Variants in MAF observed in about 807,000 individuals in gnomAD.
MAF encodes transcription factor Maf.
MAF carries 10 observed loss-of-function variants against 22.0 expected under a neutral mutation model. The ratio of observed to expected loss-of-function variants is 0.45; its 90% CI spans 0.28 to 0.77. The LOEUF is 0.77. Among genes scored for constraint, MAF ranks in the 30% least tolerant of loss-of-function variants. The pLI, the probability that MAF is intolerant of heterozygous loss-of-function variation, is 0.12. For missense variants in MAF, 544 were observed against 548.4 expected (o/e 0.99, Z 0.08); for synonymous variants, 337 against 255.8 (o/e 1.32, Z -3.03).
downstream of MAF, among the ~76,000 whole-genome samples, chr16:79,590,315 G>C (rs981725393): frequency 9.8e-5 from 15 of 152,286 alleles, no homozygotes; most frequent in Admixed American, 7.2e-4. Flanking sequence ...CAGGCTTCAA[G>C]ACCATTGCAC....
In MAF at chr16:79,600,130, A is replaced by C. The variant is rs1442217756; in HGVS notation, c.-228T>G. 1.0e-5 allele frequency: 5 copies of C among 492,946 alleles called. No homozygotes were observed. The highest frequency in any genetic ancestry group is 2.7e-5 in the South Asian group (1 of 37,408). 30.5% of individuals were successfully genotyped at this position (492,946 alleles called of 1,614,324 possible). On this transcript the variant is annotated 5_prime_UTR_variant, in exon 1 of 2. Coordinates refer to ENST00000326043, the MANE Select transcript of MAF (RefSeq NM_005360.5). ...CCCTCCCTCCCCCCTGCTCACGCCA[A>C]TGTGCTCCCTCGCTCGCCCCGGCCC...
At chr16:79,284,435 G>A in the MAF span, among the ~76,000 whole-genome samples, 1 of 152,046 alleles carries the variant, frequency 6.6e-6, no homozygotes, top group African/African-American at 2.4e-5. Context: ...CTATATGCTG[G>A]GCCTAAAGTA....
At chr16:79,342,562 T>TACCATC in the MAF span, among the ~76,000 whole-genome samples, 1 of 151,950 alleles carries the variant, frequency 6.6e-6, no homozygotes. Context: ...CCATCTCCAT[T>TACCATC]ACCATCACCA....
chr16:79,559,157 C>G, the MAF span, among the ~76,000 whole-genome samples: 1 of 152,148 alleles, frequency 6.6e-6, no homozygotes, highest in Admixed American at 6.5e-5. Context: ...GCGGGCTTAG[C>G]TAGTAACCGG....
At chr16:79,254,067 C>G in the MAF span, among the ~76,000 whole-genome samples, 1 of 149,408 alleles carries the variant, frequency 6.7e-6, no homozygotes, top group Admixed American at 6.7e-5. Flanking sequence ...TGTTATTTTT[C>G]TTATTGTTTA....
At chr16:79,506,024 AAAAG>A in the MAF span, among the ~76,000 whole-genome samples, 354 of 152,144 alleles carry the variant, frequency 2.3e-3, no homozygotes, top group African/African-American at 7.9e-3. Context: ...AGAGAGGAGG[AAAAG>A]AAGAGGGAGG....
the MAF span, among the ~76,000 whole-genome samples, chr16:79,334,960 G>A: frequency 1.4e-4 from 21 of 151,972 alleles, no homozygotes; most frequent in Middle Eastern, 3.4e-3. Flanking sequence ...GCTGAGGCGG[G>A]CAGATCACCA....
chr16:79,369,642 G>T, the MAF span, among the ~76,000 whole-genome samples: 77 of 152,342 alleles, frequency 5.1e-4, no homozygotes, highest in East Asian at 0.014. Context: ...GCAACTTTGG[G>T]GGAATTGTGC....
the MAF span, among the ~76,000 whole-genome samples, chr16:79,237,650 C>T: frequency 6.7e-6 from 1 of 150,348 alleles, no homozygotes; most frequent in East Asian, 1.9e-4. Context: ...GCTTCTTAAA[C>T]TATGATCTAT....
At chr16:79,474,417 G>A in the MAF span, among the ~76,000 whole-genome samples, 1 of 152,198 alleles carries the variant, frequency 6.6e-6, no homozygotes, top group African/African-American at 2.4e-5. Flanking sequence ...GGCTGAGCAA[G>A]TGCCTGGCTG....
At chr16:79,460,580 C>T in the MAF span, among the ~76,000 whole-genome samples, 4 of 151,984 alleles carry the variant, frequency 2.6e-5, no homozygotes, top group Admixed American at 2.6e-4. Context: ...TAAAAAAATC[C>T]ATTTGCTCTT....
chr16:79,491,640 C>A, the MAF span, among the ~76,000 whole-genome samples: 1 of 152,094 alleles, frequency 6.6e-6, no homozygotes, highest in Non-Finnish European at 1.5e-5. Context: ...GAATGCCCAG[C>A]GACTAACATG....
the MAF span, among the ~76,000 whole-genome samples, chr16:79,250,602 G>T: frequency 3.3e-5 from 5 of 152,208 alleles, no homozygotes; most frequent in Admixed American, 1.3e-4. Flanking sequence ...CTACTTCTGA[G>T]CAGGGGGAGC....
chr16:79,461,800 G>A, the MAF span, among the ~76,000 whole-genome samples: 1 of 152,148 alleles, frequency 6.6e-6, no homozygotes, highest in Non-Finnish European at 1.5e-5. Context: ...CCCTATGTAA[G>A]CGAGACCCAT....
the MAF span, among the ~76,000 whole-genome samples, chr16:79,257,377 T>A: frequency 6.6e-6 from 1 of 152,152 alleles, no homozygotes; most frequent in African/African-American, 2.4e-5. Context: ...TAAAATTGTT[T>A]CAAAATGCAA....
chr16:79,408,245 C>T, the MAF span, among the ~76,000 whole-genome samples: 11 of 152,178 alleles, frequency 7.2e-5, no homozygotes, highest in East Asian at 2.1e-3. Context: ...GATGGGATCT[C>T]GGCTTGCTGC....
the MAF span, among the ~76,000 whole-genome samples, chr16:79,452,479 A>G: frequency 3.9e-4 from 59 of 152,248 alleles, no homozygotes; most frequent in African/African-American, 1.4e-3. Flanking sequence ...CACTGTGTGC[A>G]TGCAAATACA....
At chr16:79,221,313 G>A in the MAF span, among the ~76,000 whole-genome samples, 2 of 152,106 alleles carry the variant, frequency 1.3e-5, no homozygotes. Context: ...TAGGGAGAGA[G>A]GCTGAGCAGA....
the MAF span, among the ~76,000 whole-genome samples, chr16:79,465,410 T>G: frequency 6.6e-6 from 1 of 152,094 alleles, no homozygotes; most frequent in African/African-American, 2.4e-5. Flanking sequence ...CTGGGCAACA[T>G]GGCAAGACCA....
Sources: allele counts gnomAD v4.1 joint callset (sites outside exome capture counted in the v4.1 genomes callset), GRCh38; gene constraint gnomAD v4.1.1; transcripts MANE v1.5; gene names NCBI Gene and HGNC (gene_info 2026-07-23, HGNC 2026-07-21).